Variants in ATRNL1 observed in about 807,000 individuals in gnomAD.
The protein encoded by ATRNL1 is attractin-like protein 1.
In ATRNL1, 95 loss-of-function variants were observed where a neutral mutation model predicts 182.7. That is an observed-to-expected ratio of 0.52 (90% CI 0.44 to 0.62). ATRNL1 has a LOEUF of 0.62. Ranked by LOEUF, ATRNL1 falls within the 20% of genes least tolerant of loss-of-function variation. ATRNL1 has a pLI of 0.00. For missense variants in ATRNL1, 1,471 were observed against 1,679.5 expected, an observed-to-expected ratio of 0.88 and a Z score of 2.17; for synonymous variants, 576 against 568.3, an observed-to-expected ratio of 1.01 and a Z score of -0.19.
intron 8 of ATRNL1, among the ~76,000 whole-genome samples, chr10:115,189,828 T>C (rs1343798726): frequency 6.6e-6 from 1 of 152,084 alleles, no homozygotes; most frequent in Non-Finnish European, 1.5e-5. Context: ...TCCTAGGCCT[T>C]CACATTCACT....
chr10:115,185,757 C>T (rs1032786817), intron 8 of ATRNL1, among the ~76,000 whole-genome samples: 9 of 151,802 alleles, frequency 5.9e-5, no homozygotes, highest in African/African-American at 1.2e-4. Flanking sequence ...TGATAAGGTG[C>T]GGGAGAAAAA....
At chr10:115,830,061 TCTC>T (rs1218380910) in intron 27 of ATRNL1, among the ~76,000 whole-genome samples, 1 of 152,206 alleles carries the variant, frequency 6.6e-6, no homozygotes. Context: ...ACTACAGAAT[TCTC>T]CTGCCCTAAT....
chr10:115,572,200 T>A (rs1200923917), intron 26 of ATRNL1, among the ~76,000 whole-genome samples: 1 of 152,136 alleles, frequency 6.6e-6, no homozygotes, highest in Non-Finnish European at 1.5e-5. Context: ...ATATATATAG[T>A]ATTGCAGTAA....
intron 8 of ATRNL1, among the ~76,000 whole-genome samples, chr10:115,180,709 A>C (rs763801503): frequency 2.6e-4 from 40 of 152,062 alleles, no homozygotes; most frequent in Middle Eastern, 3.4e-3. Context: ...ACACTTCAGA[A>C]AGTATAGACC....
chr10:115,614,271 A>C (rs544112481), intron 26 of ATRNL1, among the ~76,000 whole-genome samples: 1 of 151,646 alleles, frequency 6.6e-6, no homozygotes, highest in African/African-American at 2.4e-5. Flanking sequence ...AATTCCTTCC[A>C]TGACCCATCA....
At chr10:115,565,059 C>A (rs898529442) in intron 26 of ATRNL1, among the ~76,000 whole-genome samples, 5 of 151,916 alleles carry the variant, frequency 3.3e-5, no homozygotes, top group African/African-American at 7.2e-5. Flanking sequence ...ATTTCTAATG[C>A]ACTTAGAATA....
At chr10:115,898,965 T>A (rs1952277822) in intron 28 of ATRNL1, among the ~76,000 whole-genome samples, 1 of 152,166 alleles carries the variant, frequency 6.6e-6, no homozygotes, top group African/African-American at 2.4e-5. Context: ...TTTTTCTTTT[T>A]TTTTTATTAT....
chr10:115,404,344 C>T (rs1369151960), intron 20 of ATRNL1, among the ~76,000 whole-genome samples: 2 of 152,130 alleles, frequency 1.3e-5, no homozygotes, highest in South Asian at 2.1e-4. Flanking sequence ...GGGCTCTGTC[C>T]GGTAGACAGA....
intron 25 of ATRNL1, among the ~76,000 whole-genome samples, chr10:115,523,974 C>G (rs1323833868): frequency 1.3e-5 from 2 of 152,128 alleles, no homozygotes; most frequent in Admixed American, 1.3e-4. Context: ...GCAGGTTGTG[C>G]AAGAAGTATG....
intron 21 of ATRNL1, among the ~76,000 whole-genome samples, chr10:115,445,430 CAAAAAAAAAAAAAAA>C (rs34068379): frequency 1.1e-4 from 3 of 26,118 alleles, no homozygotes; most frequent in East Asian, 6.0e-3. Flanking sequence ...GATTTCGCCT[CAAAAAAAAAAAAAAA>C]AAAAAAAAAA....
chr10:115,912,181 A>C (rs977300306), intron 28 of ATRNL1, among the ~76,000 whole-genome samples: 3 of 152,186 alleles, frequency 2.0e-5, no homozygotes, highest in East Asian at 1.9e-4. Context: ...ATCCAGGGAA[A>C]TTTTACAAAC....
rs552954401 is a variant in ATRNL1, at chr10:115,269,834, A to T, written c.2100+1390A>T. Among the ~76,000 whole-genome samples the T allele has an allele frequency of 5.3e-5, 8 of 151,896 alleles. No individual in the cohort carries two copies. In the East Asian group the frequency reaches 1.2e-3, roughly 22 times the overall value. ...AAGTAAAAAATTTGATTGTATAATT[A>T]AAAAAATTCTTCACTAATTAATAAT... On this transcript the variant is annotated intron_variant, in intron 13 of 28. Transcript: ENST00000355044.
chr10:115,226,295 A>G (rs868975546), intron 9 of ATRNL1, among the ~76,000 whole-genome samples: 2 of 152,054 alleles, frequency 1.3e-5, no homozygotes, highest in Non-Finnish European at 2.9e-5. Context: ...TGGAAGTACA[A>G]TAATATTCTA....
chr10:115,550,140 G>A (rs1050401758), intron 26 of ATRNL1, among the ~76,000 whole-genome samples: 3 of 151,674 alleles, frequency 2.0e-5, no homozygotes, highest in Admixed American at 1.3e-4. Flanking sequence ...GTGTATATTC[G>A]TTAATCGAAA....
intron 25 of ATRNL1, among the ~76,000 whole-genome samples, chr10:115,528,021 CCTTCCCTCCTTCCTTT>C (rs1851340170): frequency 1.7e-5 from 1 of 60,486 alleles, no homozygotes; most frequent in African/African-American, 7.4e-5. Flanking sequence ...TTCCTTCCTT[CCTTCCCTCCTTCCTTT>C]CTTCCTTCCT....
intron 17 of ATRNL1, among the ~76,000 whole-genome samples, chr10:115,306,129 T>A (rs1853715231): frequency 6.6e-6 from 1 of 152,174 alleles, no homozygotes; most frequent in South Asian, 2.1e-4. Flanking sequence ...TACTTTTTTG[T>A]TTTTTTACAA....
rs542563685 is a variant in ATRNL1, at chr10:115,521,247, G to A, written c.3716+1923G>A. ...CGGCTCACTGCAACCTTCACCTCCC[G>A]GGTTCAAGCATTTCTCCTGCCTCAG... On this transcript the variant is annotated intron_variant, in intron 25 of 28. Coordinates refer to ENST00000355044, the MANE Select transcript of ATRNL1 (RefSeq NM_207303.4). Among the ~76,000 whole-genome samples, 21 of 151,950 alleles carry A rather than the reference G, an allele frequency of 1.4e-4. No homozygotes were observed. In the South Asian group the frequency reaches 3.3e-3, roughly 24 times the overall value.
chr10:115,794,240 G>C (rs782129170), intron 27 of ATRNL1, among the ~76,000 whole-genome samples: 12 of 152,066 alleles, frequency 7.9e-5, no homozygotes, highest in Non-Finnish European at 1.8e-4. Flanking sequence ...TATATATAAA[G>C]AATTTTTTTC....
intron 9 of ATRNL1, among the ~76,000 whole-genome samples, chr10:115,231,179 A>G (rs1254164872): frequency 1.3e-5 from 2 of 152,202 alleles, no homozygotes; most frequent in Non-Finnish European, 2.9e-5. Flanking sequence ...AGAAACAACC[A>G]GAAAAGGAGA....
Sources: allele counts gnomAD v4.1 joint callset (sites outside exome capture counted in the v4.1 genomes callset), GRCh38; gene constraint gnomAD v4.1.1; transcripts MANE v1.5; gene names NCBI Gene and HGNC (gene_info 2026-07-23, HGNC 2026-07-21).